Variants in LHPP observed in about 807,000 individuals in gnomAD.
The protein encoded by LHPP is phospholysine phosphohistidine inorganic pyrophosphate phosphatase.
Under a neutral mutation model 30.3 loss-of-function variants are expected in LHPP, and 24 were observed. The ratio of observed to expected loss-of-function variants is 0.79; its 90% CI spans 0.57 to 1.11. The LOEUF (loss-of-function observed/expected upper bound fraction) is 1.11. LHPP is among the 50% of genes most tolerant of loss of function. LHPP has a pLI of 0.00. For missense variants in LHPP, 356 were observed against 367.2 expected, an observed-to-expected ratio of 0.97 and a Z score of 0.25; for synonymous variants, 150 against 157.1, an observed-to-expected ratio of 0.95 and a Z score of 0.34.
intron 6 of LHPP, among the ~76,000 whole-genome samples, chr10:124,543,881 T>C (rs550544179): frequency 1.2e-4 from 18 of 152,338 alleles, no homozygotes; most frequent in Non-Finnish European, 2.6e-4. Context: ...GGAACCACAG[T>C]TAGCATTTTG....
At chr10:124,485,299 A>G (rs1008700556) in intron 2 of LHPP, among the ~76,000 whole-genome samples, 9 of 152,090 alleles carry the variant, frequency 5.9e-5, no homozygotes, top group African/African-American at 2.2e-4. Context: ...CCCACCCTCC[A>G]GAAAAGGGTT....
chr10:124,535,480 C>T (rs1270597314), intron 6 of LHPP, among the ~76,000 whole-genome samples: 3 of 152,194 alleles, frequency 2.0e-5, no homozygotes, highest in African/African-American at 7.2e-5. Flanking sequence ...TAGCTCACTG[C>T]AGCCTCGACT....
chr10:124,584,596 G>C (rs1343412253), intron 6 of LHPP, among the ~76,000 whole-genome samples: 2 of 152,096 alleles, frequency 1.3e-5, no homozygotes, highest in Non-Finnish European at 2.9e-5. Flanking sequence ...GTTCATGAGA[G>C]CAGAGCCCTC....
intron 6 of LHPP, among the ~76,000 whole-genome samples, chr10:124,562,901 C>T (rs1948417789): frequency 6.7e-6 from 1 of 149,682 alleles, no homozygotes; most frequent in Admixed American, 6.7e-5. Flanking sequence ...CACTGCACCT[C>T]AGCCTGGGCG....
chr10:124,535,695 C>G (rs1955005594), intron 6 of LHPP, among the ~76,000 whole-genome samples: 1 of 152,196 alleles, frequency 6.6e-6, no homozygotes, highest in South Asian at 2.1e-4. Context: ...TTGGCGTGAG[C>G]CGCCATGCCT....
intron 3 of LHPP, chr10:124,493,626 C>T (rs1953603790): frequency 6.6e-6 from 1 of 152,178 alleles, no homozygotes; most frequent in African/African-American, 2.4e-5. Flanking sequence ...TGGTCATTTG[C>T]AGGGAGGCTG....
rs988936500 is a variant in LHPP at position 124,478,911 on chromosome 10, A to G, written c.126-5228A>G. On this transcript the variant is annotated intron_variant, in intron 1 of 6. Coordinates refer to ENST00000368842, the MANE Select transcript of LHPP (RefSeq NM_022126.4). This position sits in a 1 kb window ranked among gnomAD's most constrained non-coding sequence, Gnocchi z 4.7. ...TGGTGAGACCCCGTCTCTACTAAAA[A>G]TATAAAAATTAGCCGGGCATGGTGG... Among the ~76,000 whole-genome samples the G allele has an allele frequency of 1.2e-4, 18 of 152,160 alleles. No homozygotes were observed. Among genetic ancestry groups the G allele is most frequent in the Admixed American group, 9.2e-4 (14 of 15,268 alleles).
rs148592478 is a variant in LHPP, at chr10:124,495,947, C to T, written c.468-1014C>T. On this transcript the variant is annotated intron_variant, in intron 3 of 6. Coordinates refer to ENST00000368842, the MANE Select transcript of LHPP (RefSeq NM_022126.4). ...AGGCGTAAGCAACCCAAAGTCACAC[C>T]GTTAGAAGGCAGTGAGATCTGAATG... Among the ~76,000 whole-genome samples, 292 of 152,272 alleles carry T rather than the reference C, an allele frequency of 1.9e-3. 2 individuals carry two copies. Among genetic ancestry groups the T allele is most frequent in the African/African-American group, 6.6e-3 (275 of 41,540 alleles).
chr10:124,545,007 C>G (rs1338270396), intron 6 of LHPP, among the ~76,000 whole-genome samples: 1 of 152,176 alleles, frequency 6.6e-6, no homozygotes, highest in Non-Finnish European at 1.5e-5. Flanking sequence ...GTCTCTGCCC[C>G]ACTCTGAGGA....
chr10:124,520,379 C>T (rs1488957796), intron 6 of LHPP, among the ~76,000 whole-genome samples: 1 of 151,618 alleles, frequency 6.6e-6, no homozygotes, highest in East Asian at 1.9e-4. Context: ...AGTGTAGTGC[C>T]GGGCACACAG....
At chr10:124,489,767 C>CTTTTT in intron 3 of LHPP, 2 of 155,734 alleles carry the variant, frequency 1.3e-5, no homozygotes, top group Non-Finnish European at 2.7e-5. Flanking sequence ...TAATTTTTTT[C>CTTTTT]TTTTTTTTTT....
intron 6 of LHPP, among the ~76,000 whole-genome samples, chr10:124,556,838 C>T (rs1166362095): frequency 6.6e-6 from 1 of 152,178 alleles, no homozygotes; most frequent in South Asian, 2.1e-4. Flanking sequence ...CATATCCTTT[C>T]TCAGTCTTTT....
At chr10:124,522,731 C>A (rs1032619745) in intron 6 of LHPP, among the ~76,000 whole-genome samples, 8 of 148,880 alleles carry the variant, frequency 5.4e-5, no homozygotes, top group South Asian at 4.5e-4. Flanking sequence ...ACGCCCCCCC[C>A]CAAGCACTGT....
chr10:124,511,436 G>T (rs1954292355), intron 5 of LHPP, among the ~76,000 whole-genome samples: 1 of 152,238 alleles, frequency 6.6e-6, no homozygotes, highest in South Asian at 2.1e-4. Context: ...TCCGTGGAAA[G>T]TATGAAGTAG....
At chr10:124,604,939 G>C (rs1341905987) in intron 6 of LHPP, among the ~76,000 whole-genome samples, 1 of 152,240 alleles carries the variant, frequency 6.6e-6, no homozygotes, top group Non-Finnish European at 1.5e-5. Context: ...CACCGACTGG[G>C]AGTCCCGGGC....
At chr10:124,559,631 G>A (rs11245290) in intron 6 of LHPP, among the ~76,000 whole-genome samples, 27,749 of 152,332 alleles carry the variant, frequency 0.18, 3,075 homozygotes, top group East Asian at 0.38. Flanking sequence ...CCGGCTGCCC[G>A]AGGCTGGAAG....
chr10:124,588,990 G>A (rs1220448160), intron 6 of LHPP, among the ~76,000 whole-genome samples: 2 of 152,176 alleles, frequency 1.3e-5, no homozygotes, highest in African/African-American at 4.8e-5. Flanking sequence ...CTGGTGGAGC[G>A]CCCATAAATC....
intron 1 of LHPP, among the ~76,000 whole-genome samples, chr10:124,481,634 A>G (rs997215464): frequency 6.7e-6 from 1 of 149,076 alleles, no homozygotes; most frequent in African/African-American, 2.5e-5. Context: ...ACCCACCTCG[A>G]CCTCCCAAAG....
chr10:124,610,764 C>A (rs369865087), intron 6 of LHPP, among the ~76,000 whole-genome samples: 451 of 27,790 alleles, frequency 0.016, 4 homozygotes, highest in East Asian at 0.051. Flanking sequence ...GGTGAGGGTG[C>A]GGGTGAGGGT....
Sources: gnomAD v4.1 joint callset for allele counts (sites outside exome capture counted in the v4.1 genomes callset) on GRCh38, gnomAD v4.1.1 for gene constraint, Gnocchi (gnomAD v3.1) non-coding constraint, MANE v1.5 for transcripts, NCBI Gene and HGNC (gene_info 2026-07-23, HGNC 2026-07-21) for gene names.